Variants in ZBTB16 observed in about 807,000 individuals in gnomAD.
ZBTB16 encodes the protein zinc finger and BTB domain containing 16.
A neutral mutation model predicts 56.8 loss-of-function variants in ZBTB16; 8 were observed. That is an observed-to-expected ratio of 0.14 (90% confidence interval 0.08 to 0.25). The LOEUF (loss-of-function observed/expected upper bound fraction) is 0.25, where lower values mean the gene tolerates loss of function less well. ZBTB16 is among the 10% of genes least tolerant of loss of function. ZBTB16 has a pLI of 1.00. For synonymous variants in ZBTB16, 363 were observed against 368.5 expected, an observed-to-expected ratio of 0.98 and a Z score of 0.17; for missense variants, 625 against 903.0, an observed-to-expected ratio of 0.69 and a Z score of 3.95.
chr11:114,167,244 T>TG (rs1261381472), intron 3 of ZBTB16, among the ~76,000 whole-genome samples: 2 of 139,718 alleles, frequency 1.4e-5, no homozygotes, highest in Non-Finnish European at 3.1e-5. Context: ...TTTTTTTTTT[T>TG]TTTTTTTTTG....
At chr11:114,072,896 C>G (rs1192760867) in intron 2 of ZBTB16, among the ~76,000 whole-genome samples, 1 of 151,662 alleles carries the variant, frequency 6.6e-6, no homozygotes, top group Non-Finnish European at 1.5e-5. Context: ...ACTAAAAATA[C>G]AAAAAATTAG....
intron 3 of ZBTB16, among the ~76,000 whole-genome samples, chr11:114,158,242 C>T (rs946598850): frequency 1.3e-5 from 2 of 152,166 alleles, no homozygotes; most frequent in African/African-American, 4.8e-5. Flanking sequence ...TGGGGCAGTG[C>T]ACTTCTAGCC....
At chr11:114,248,398 C>T (rs1944856149) in intron 6 of ZBTB16, among the ~76,000 whole-genome samples, 1 of 152,202 alleles carries the variant, frequency 6.6e-6, no homozygotes, top group Non-Finnish European at 1.5e-5. Context: ...AAATTGGCCA[C>T]TGTAGGAGTA....
Position 114,250,288 on chromosome 11 carries a change from T to G in ZBTB16, c.1793-38T>G. The stretch of plus-strand genomic sequence containing the variant: ...CATGGTGCCCTCACCGCCTTCTGTC[T>G]GTCCTCACTTTCTCCTGCCCTGTCC... On this transcript the variant is annotated intron_variant, in intron 6 of 6. Transcript: ENST00000335953. This position sits in a 1 kb window ranked among gnomAD's most constrained non-coding sequence, Gnocchi z 6.0. 6.2e-7 allele frequency: 1 copy of G among 1,602,036 alleles called. No homozygotes were observed.
intron 2 of ZBTB16, among the ~76,000 whole-genome samples, chr11:114,139,102 C>T (rs1837726345): frequency 6.6e-6 from 1 of 152,192 alleles, no homozygotes; most frequent in South Asian, 2.1e-4. Context: ...CTTTCTCCTC[C>T]AGAGTGATTT....
chr11:114,207,511 C>A (rs1316182497), intron 4 of ZBTB16, among the ~76,000 whole-genome samples: 2 of 152,002 alleles, frequency 1.3e-5, no homozygotes, highest in Non-Finnish European at 2.9e-5. Flanking sequence ...CCCAGACTCT[C>A]CTGGCTGTTT....
chr11:114,172,785 A>G (rs1943004268), intron 3 of ZBTB16, among the ~76,000 whole-genome samples: 3 of 152,196 alleles, frequency 2.0e-5, no homozygotes, highest in Non-Finnish European at 4.4e-5. Flanking sequence ...TCAAGCAGCT[A>G]TGGGCTTAAT....
At chr11:114,157,023 C>T (rs1397162310) in intron 3 of ZBTB16, among the ~76,000 whole-genome samples, 2 of 152,108 alleles carry the variant, frequency 1.3e-5, no homozygotes, top group Admixed American at 6.5e-5. Flanking sequence ...AGGTCTGATG[C>T]GGTGGCTTTG....
At chr11:114,085,213 A>G (rs1469384156) in intron 2 of ZBTB16, among the ~76,000 whole-genome samples, 1 of 152,216 alleles carries the variant, frequency 6.6e-6, no homozygotes, top group Non-Finnish European at 1.5e-5. Context: ...CAAAGGTTCA[A>G]TGAAACTCTA....
rs900348757 is a variant in ZBTB16, at chr11:114,251,311, C to T, written c.*756C>T. On this transcript the variant is annotated 3_prime_UTR_variant, in exon 7 of 7. Transcript: ENST00000335953. ...CTCCGGTTCCCTAGTGGGATAGCTG[C>T]CTCTGACTTCAGGGTCCCTCCTACC... 6.6e-6 allele frequency among the ~76,000 whole-genome samples: 1 copy of T among 152,196 alleles called. No homozygotes were observed. The highest frequency in any genetic ancestry group is 2.4e-5 in the African/African-American group (1 of 41,446).
rs567728747 is a variant in ZBTB16 at position 114,222,872 on chromosome 11, G to A, written c.1454-19295G>A. Among the ~76,000 whole-genome samples the A allele has an allele frequency of 1.8e-4, 28 of 152,274 alleles. No individual in the cohort carries two copies. The South Asian group carries it at 5.8e-3, about 32-fold the overall frequency. On this transcript the variant is annotated intron_variant, in intron 4 of 6. Coordinates refer to ENST00000335953, the MANE Select transcript of ZBTB16 (RefSeq NM_006006.6). ...CGAAAACCCACCAAGAGTGTGATTT[G>A]TGGGGGCCCATTGCTTGAGTGTAGA...
At chr11:114,142,025 T>C (rs1941962012) in intron 2 of ZBTB16, among the ~76,000 whole-genome samples, 1 of 152,230 alleles carries the variant, frequency 6.6e-6, no homozygotes, top group Non-Finnish European at 1.5e-5. Flanking sequence ...CCTGAGATGA[T>C]GTTATGCTCT....
Position 114,060,018 on chromosome 11 carries a change from G to T in ZBTB16, c.-91+136G>T, listed in dbSNP as rs1009586786. The T allele has an allele frequency of 1.8e-5, 7 of 386,012 alleles. 1 individual carries two copies. Among genetic ancestry groups the T allele is most frequent in the African/African-American group, 4.1e-5 (2 of 48,202 alleles). The allele number at this position is 386,012 out of a possible 1,614,324, so 23.9% of individuals were successfully genotyped here. A position where few individuals can be genotyped will look rare whatever the true frequency, so the allele number is the denominator to read the frequency against. ...TGGGCTTGTGCCTTTTTTATTTGGCGTGTTCCCTTCCTGCCGCTGCAGCCG... is the reference window on the plus strand; with the variant it reads ...TGGGCTTGTGCCTTTTTTATTTGGCTTGTTCCCTTCCTGCCGCTGCAGCCG... On this transcript the variant is annotated intron_variant, in intron 1 of 6. Transcript: ENST00000335953. This position sits in a 1 kb window ranked among gnomAD's most constrained non-coding sequence, Gnocchi z 6.0.
chr11:114,065,632 T>C (rs111765953), intron 2 of ZBTB16, among the ~76,000 whole-genome samples: 7,120 of 152,268 alleles, frequency 0.047, 370 homozygotes, highest in African/African-American at 0.13. Context: ...GTCAGGATGG[T>C]CTCGAACTCC....
At chr11:114,077,286 A>G (rs1482199795) in intron 2 of ZBTB16, among the ~76,000 whole-genome samples, 2 of 151,988 alleles carry the variant, frequency 1.3e-5, no homozygotes, top group Non-Finnish European at 2.9e-5. Flanking sequence ...TTCTTTTGTC[A>G]CTTGGAGCCA....
At chr11:114,235,769 G>A (rs12361207) in intron 4 of ZBTB16, among the ~76,000 whole-genome samples, 1,010 of 76,670 alleles carry the variant, frequency 0.013, 14 homozygotes, top group African/African-American at 0.049. Context: ...TCCTTCCTTC[G>A]TTCCTTCCTT....
At chr11:114,115,391 C>T (rs1007248999) in intron 2 of ZBTB16, among the ~76,000 whole-genome samples, 1 of 148,158 alleles carries the variant, frequency 6.7e-6, no homozygotes, top group Non-Finnish European at 1.5e-5. Context: ...ATCTGAACTT[C>T]CAAACATCAG....
chr11:114,157,922 C>G lies in ZBTB16; in HGVS notation c.1366+1488C>G, dbSNP rs116829664. Among the ~76,000 whole-genome samples, 495 of 152,258 alleles carry G rather than the reference C, an allele frequency of 3.3e-3. 4 individuals are homozygous for G. The highest frequency in any genetic ancestry group is 0.011 in the African/African-American group (473 of 41,544). ...CCTGGCTCCACTGAATCATCCTCCT[C>G]CTGCCCATGTGTCTCACCTCAGCCC... On this transcript the variant is annotated intron_variant, in intron 3 of 6. Transcript: ENST00000335953.
intron 2 of ZBTB16, among the ~76,000 whole-genome samples, chr11:114,066,352 T>C (rs989672366): frequency 1.3e-5 from 2 of 152,208 alleles, no homozygotes; most frequent in African/African-American, 4.8e-5. Context: ...CTAAGGTGTG[T>C]CTTCTTGATG....
Sources: gnomAD v4.1 joint callset for allele counts (sites outside exome capture counted in the v4.1 genomes callset) on GRCh38, gnomAD v4.1.1 for gene constraint, Gnocchi (gnomAD v3.1) non-coding constraint, MANE v1.5 for transcripts, NCBI Gene and HGNC (gene_info 2026-07-23, HGNC 2026-07-21) for gene names.